Variants in FER observed in about 807,000 individuals in gnomAD.
FER encodes the protein FER tyrosine kinase, also known as tyrosine-protein kinase Fer.
FER carries 63 observed loss-of-function variants against 111.0 expected under a neutral mutation model. The observed-to-expected ratio is 0.57, with a 90% CI of 0.46 to 0.70. The LOEUF (loss-of-function observed/expected upper bound fraction) is 0.70, where lower values mean the gene tolerates loss of function less well. FER is among the 30% of genes least tolerant of loss of function. The pLI, the probability that FER is intolerant of heterozygous loss-of-function variation, is 0.00. For synonymous variants in FER, 327 were observed against 313.9 expected (o/e 1.04, Z -0.44); for missense variants, 914 against 954.0 (o/e 0.96, Z 0.55).
chr5:109,179,650 T>C (rs1758069610), intron 17 of FER, among the ~76,000 whole-genome samples: 1 of 152,178 alleles, frequency 6.6e-6, no homozygotes, highest in African/African-American at 2.4e-5. Context: ...GTGTCTGTAC[T>C]AAACATACAA....
At chr5:109,132,684 C>A (rs957942386) in intron 17 of FER, among the ~76,000 whole-genome samples, 3 of 152,116 alleles carry the variant, frequency 2.0e-5, no homozygotes, top group Non-Finnish European at 2.9e-5. Flanking sequence ...CTCAGACAAT[C>A]TATGGGGAAT....
chr5:108,891,223 T>C (rs1747991145), intron 9 of FER, among the ~76,000 whole-genome samples: 1 of 152,136 alleles, frequency 6.6e-6, no homozygotes, highest in African/African-American at 2.4e-5. Flanking sequence ...TCTAATTGGA[T>C]GTTTGGTTGT....
intron 13 of FER, among the ~76,000 whole-genome samples, chr5:108,978,624 T>A (rs531025936): frequency 6.5e-4 from 99 of 152,322 alleles, no homozygotes; most frequent in African/African-American, 2.3e-3. Context: ...CGGGAGTATA[T>A]TAATTCATCT....
intron 4 of FER, among the ~76,000 whole-genome samples, chr5:108,833,751 GTAGTCCCAGCTACTCA>G (rs1262128368): frequency 6.6e-6 from 1 of 151,938 alleles, no homozygotes; most frequent in Non-Finnish European, 1.5e-5. Flanking sequence ...GCGGGCGCCT[GTAGTCCCAGCTACTCA>G]GGAGGCTGAG....
intron 17 of FER, among the ~76,000 whole-genome samples, chr5:109,156,059 A>G (rs917175861): frequency 6.6e-6 from 1 of 152,088 alleles, no homozygotes; most frequent in African/African-American, 2.4e-5. Context: ...TATAAGCGAT[A>G]TTAAGGGATT....
chr5:109,019,511 G>A (rs957961540), intron 13 of FER, among the ~76,000 whole-genome samples: 1 of 151,734 alleles, frequency 6.6e-6, no homozygotes, highest in Non-Finnish European at 1.5e-5. Context: ...TATTAATATT[G>A]TCAAAGTGTG....
intron 17 of FER, among the ~76,000 whole-genome samples, chr5:109,175,771 A>T (rs940116984): frequency 1.3e-5 from 2 of 152,210 alleles, no homozygotes; most frequent in Non-Finnish European, 2.9e-5. Flanking sequence ...TGGAAATGCA[A>T]ATCAAAACCA....
At chr5:108,959,095 G>A (rs553396653) in intron 12 of FER, 130 bp from the exon 13 acceptor site, 21 of 735,268 alleles carry the variant, frequency 2.9e-5, no homozygotes, top group Non-Finnish European at 3.9e-5. Flanking sequence ...GTATAGTTCA[G>A]TAGTGTTAAG....
chr5:108,918,454 T>G (rs141581442), intron 10 of FER, among the ~76,000 whole-genome samples: 1 of 151,956 alleles, frequency 6.6e-6, no homozygotes, highest in African/African-American at 2.4e-5. Context: ...AATCTAGACT[T>G]AGAATAATGG....
chr5:109,137,002 A>G (rs777165885), intron 17 of FER, among the ~76,000 whole-genome samples: 42 of 152,218 alleles, frequency 2.8e-4, no homozygotes, highest in Non-Finnish European at 4.3e-4. Context: ...AATACAGGCT[A>G]TACAACTTGT....
chr5:108,892,846 A>G (rs1748359364), intron 9 of FER, among the ~76,000 whole-genome samples: 1 of 152,176 alleles, frequency 6.6e-6, no homozygotes, highest in Admixed American at 6.5e-5. Context: ...ATTTCTGTAT[A>G]AGGTGTAAGG....
chr5:108,888,018 C>A (rs559107910), intron 9 of FER, among the ~76,000 whole-genome samples: 1 of 151,926 alleles, frequency 6.6e-6, no homozygotes, highest in East Asian at 1.9e-4. Flanking sequence ...AATGATAGAG[C>A]CATGCAGAAT....
At chr5:108,820,736 TTA>T (rs1445703483) in intron 3 of FER, among the ~76,000 whole-genome samples, 1 of 152,176 alleles carries the variant, frequency 6.6e-6, no homozygotes, top group Admixed American at 6.5e-5. Context: ...TTTAAAAAAT[TTA>T]GTCTTTGTCC....
intron 17 of FER, among the ~76,000 whole-genome samples, chr5:109,115,600 AT>A (rs1189826976): frequency 6.6e-6 from 1 of 152,146 alleles, no homozygotes; most frequent in African/African-American, 2.4e-5. Flanking sequence ...ATTTTTAGAC[AT>A]CTCTGTAAGT....
intron 17 of FER, among the ~76,000 whole-genome samples, chr5:109,109,615 A>G (rs1749355609): frequency 1.3e-5 from 2 of 152,172 alleles, no homozygotes; most frequent in East Asian, 3.9e-4. Flanking sequence ...GCAAAGGAGT[A>G]TCTGAAGGCT....
Position 108,792,180 on chromosome 5 carries a change from G to A in FER, c.-59-5944G>A, listed in dbSNP as rs150356577. Among the ~76,000 whole-genome samples the A allele has an allele frequency of 2.6e-5, 4 of 152,162 alleles. No homozygotes were observed. In the East Asian group the frequency reaches 7.7e-4, roughly 29 times the overall value. ...GTTATTTTGGCTCCCTTACTTTTCTGTATAGATTTTAGGATAGCTTGTCAA... is the reference window on the plus strand; with the variant it reads ...GTTATTTTGGCTCCCTTACTTTTCTATATAGATTTTAGGATAGCTTGTCAA... On this transcript the variant is annotated intron_variant, in intron 2 of 19. Coordinates refer to ENST00000281092, the MANE Select transcript of FER (RefSeq NM_005246.4).
intron 1 of FER, among the ~76,000 whole-genome samples, chr5:108,766,339 A>G (rs1331216177): frequency 6.6e-6 from 1 of 152,264 alleles, no homozygotes; most frequent in African/African-American, 2.4e-5. Flanking sequence ...AATCAGAGGA[A>G]ACCATAATTC....
intron 16 of FER, among the ~76,000 whole-genome samples, chr5:109,058,225 G>A (rs754495161): frequency 1.2e-4 from 19 of 152,106 alleles, no homozygotes; most frequent in Non-Finnish European, 2.8e-4. Flanking sequence ...GGGCTTCTAA[G>A]AGAAACCCAT....
At chr5:109,088,505 G>A (rs1279800296) in intron 16 of FER, among the ~76,000 whole-genome samples, 5 of 152,070 alleles carry the variant, frequency 3.3e-5, no homozygotes, top group Non-Finnish European at 7.4e-5. Context: ...TAGGTGAACA[G>A]TATTCCAGAA....
Sources: allele counts gnomAD v4.1 joint callset (sites outside exome capture counted in the v4.1 genomes callset), GRCh38; gene constraint gnomAD v4.1.1; transcripts MANE v1.5; gene names NCBI Gene and HGNC (gene_info 2026-07-23, HGNC 2026-07-21).